The following METTL8 variants were observed in gnomAD, a reference collection of about 807,000 sequenced individuals.
METTL8 encodes tRNA N(3)-cytidine methyltransferase METTL8, mitochondrial.
In METTL8, 32 loss-of-function variants were observed where a neutral mutation model predicts 48.7. The ratio of observed to expected loss-of-function variants is 0.66; its 90% CI spans 0.50 to 0.88. The LOEUF is 0.88. Ranked by LOEUF, METTL8 falls within the 40% of genes least tolerant of loss-of-function variation. METTL8 has a pLI of 0.00. For missense variants in METTL8, 464 were observed against 474.4 expected (o/e 0.98, Z 0.20); for synonymous variants, 136 against 157.1 (o/e 0.87, Z 1.01).
chr2:171,413,880 C>G (rs1691005022), intron 1 of METTL8, among the ~76,000 whole-genome samples: 1 of 152,004 alleles, frequency 6.6e-6, no homozygotes, highest in African/African-American at 2.4e-5. Context: ...TGAGGGGGCA[C>G]TGAACTGAGA....
chr2:171,414,413 G>A (rs1285891584), intron 1 of METTL8, among the ~76,000 whole-genome samples: 82 of 141,824 alleles, frequency 5.8e-4, no homozygotes, highest in African/African-American at 2.0e-3. Context: ...GCGAAACTCC[G>A]TCTCAAAAAA....
At chr2:171,380,742 TAA>T (rs546649655) in intron 2 of METTL8, among the ~76,000 whole-genome samples, 4 of 152,094 alleles carry the variant, frequency 2.6e-5, no homozygotes, top group Admixed American at 2.6e-4. Flanking sequence ...TTCAAAGAAA[TAA>T]GAGAGGACAT....
intron 1 of METTL8, among the ~76,000 whole-genome samples, chr2:171,425,803 C>A (rs139692071): frequency 2.8e-3 from 431 of 152,300 alleles, no homozygotes; most frequent in African/African-American, 9.4e-3. Flanking sequence ...CTAACGCATT[C>A]TTTAACGTGT....
In METTL8 at chr2:171,367,554, G is replaced by A. The variant is rs746329586; in HGVS notation, c.144-7041C>T. 3.4e-4 allele frequency among the ~76,000 whole-genome samples: 52 copies of A among 152,070 alleles called. 1 individual carries two copies. The highest frequency in any genetic ancestry group is 1.6e-3 in the Admixed American group (25 of 15,274). ...AGATCTTCAGGTTAAAGGAAAAGGG[G>A]ACCACACGGAGTCTCAGATCTACAG... is the stretch of plus-strand genomic sequence containing the variant. On this transcript the variant is annotated intron_variant, in intron 2 of 9. Coordinates refer to ENST00000375258, the MANE Select transcript of METTL8 (RefSeq NM_001321154.2).
intron 2 of METTL8, among the ~76,000 whole-genome samples, chr2:171,386,676 C>A (rs551262208): frequency 6.6e-6 from 1 of 151,826 alleles, no homozygotes; most frequent in East Asian, 1.9e-4. Context: ...GATACAGAAG[C>A]GGGGAAGGGA....
intron 9 of METTL8, among the ~76,000 whole-genome samples, chr2:171,325,047 G>A (rs1297964991): frequency 5.3e-5 from 8 of 151,122 alleles, no homozygotes; most frequent in South Asian, 2.1e-4. Context: ...GTTTGAACCG[G>A]CGAGGTGGAG....
At chr2:171,373,547 T>C (rs1426655377) in intron 2 of METTL8, among the ~76,000 whole-genome samples, 1 of 152,250 alleles carries the variant, frequency 6.6e-6, no homozygotes, top group African/African-American at 2.4e-5. Context: ...AGACATGAAG[T>C]CCTTGCCCAT....
At position 171,342,660 on chromosome 2, in the gene METTL8, G is replaced by T. The variant is rs141698789; in HGVS notation, c.236-3106C>A. On this transcript the variant is annotated intron_variant, in intron 3 of 9. Coordinates refer to ENST00000375258, the MANE Select transcript of METTL8 (RefSeq NM_001321154.2). ...TGTAACTCATTCCATGCAGGTAAAA[G>T]ATTTTCTGCCTAACAAAAAGCAGCC... Among the ~76,000 whole-genome samples the T allele has an allele frequency of 1.9e-3, 294 of 151,716 alleles. 7 individuals carry two copies. The East Asian group carries it at 0.029, about 15-fold the overall frequency.
At chr2:171,333,620 T>G (rs1225159087) in intron 5 of METTL8, among the ~76,000 whole-genome samples, 1 of 152,238 alleles carries the variant, frequency 6.6e-6, no homozygotes, top group Non-Finnish European at 1.5e-5. Context: ...AATAGCACTT[T>G]ACTTCAGCAT....
chr2:171,411,199 T>A (rs779837518), intron 1 of METTL8, among the ~76,000 whole-genome samples: 1 of 152,202 alleles, frequency 6.6e-6, no homozygotes, highest in Non-Finnish European at 1.5e-5. Flanking sequence ...GAAGATTCAA[T>A]ACTGTAAAAA....
intron 1 of METTL8, among the ~76,000 whole-genome samples, chr2:171,432,226 C>CA (rs5836336): frequency 0.17 from 23,937 of 142,378 alleles, 1,945 homozygotes; most frequent in Admixed American, 0.23. Flanking sequence ...AAAGCAACGT[C>CA]AAAAAAAAAA....
At chr2:171,341,906 C>T (rs987231397) in intron 3 of METTL8, among the ~76,000 whole-genome samples, 2 of 152,002 alleles carry the variant, frequency 1.3e-5, no homozygotes, top group Non-Finnish European at 2.9e-5. Context: ...AGGATAATCA[C>T]ATAATCAGTA....
chr2:171,423,728 A>C (rs1389332269), intron 1 of METTL8, among the ~76,000 whole-genome samples: 1 of 152,190 alleles, frequency 6.6e-6, no homozygotes, highest in African/African-American at 2.4e-5. Flanking sequence ...AGTGCTCAAG[A>C]GGAAGCAGAG....
intron 3 of METTL8, among the ~76,000 whole-genome samples, chr2:171,351,206 T>G (rs553463029): frequency 4.1e-4 from 63 of 152,334 alleles, no homozygotes; most frequent in African/African-American, 1.5e-3. Context: ...CCAGCACCAT[T>G]TATTAAATAG....
chr2:171,373,739 C>A (rs1009267523), intron 2 of METTL8, among the ~76,000 whole-genome samples: 1 of 152,254 alleles, frequency 6.6e-6, no homozygotes, highest in East Asian at 1.9e-4. Flanking sequence ...AATAGGGAAT[C>A]CTTTCCCCAT....
chr2:171,413,844 G>A (rs1337065733), intron 1 of METTL8, among the ~76,000 whole-genome samples: 1 of 152,168 alleles, frequency 6.6e-6, no homozygotes, highest in Non-Finnish European at 1.5e-5. Flanking sequence ...GATAAATGGT[G>A]TGCAGGAACA....
At position 171,321,000 on chromosome 2, in the gene METTL8, C is replaced by A. The variant is rs906776910; in HGVS notation, c.*3172G>T. 6.6e-6 allele frequency: 1 copy of A among 152,156 alleles called. No individual in the cohort carries two copies. The highest frequency in any genetic ancestry group is 6.5e-5 in the Admixed American group (1 of 15,278). The allele number at this position is 152,156 out of a possible 1,614,324, so 9.4% of individuals were successfully genotyped here. A position where few individuals can be genotyped will look rare whatever the true frequency, so the allele number is the denominator to read the frequency against. On this transcript the variant is annotated 3_prime_UTR_variant, in exon 10 of 10. Coordinates refer to ENST00000375258, the MANE Select transcript of METTL8 (RefSeq NM_001321154.2). ...CCCCCTTCCCATCTTTTCTACCTATCCCTCATCATTAATGTCCCACACCAC... is the reference window on the plus strand; with the variant it reads ...CCCCCTTCCCATCTTTTCTACCTATACCTCATCATTAATGTCCCACACCAC...
chr2:171,424,194 C>T (rs1301107836), intron 1 of METTL8, among the ~76,000 whole-genome samples: 1 of 152,186 alleles, frequency 6.6e-6, no homozygotes, highest in Non-Finnish European at 1.5e-5. Flanking sequence ...ATAGAAATGC[C>T]TGGATGTCCA....
intron 7 of METTL8, among the ~76,000 whole-genome samples, chr2:171,326,702 TTTAA>T (rs112228185): frequency 0.057 from 8,658 of 152,206 alleles, 417 homozygotes; most frequent in African/African-American, 0.13. Context: ...CTATGTCCTC[TTTAA>T]TTTTTATTTT....
Sources: gnomAD v4.1 joint callset for allele counts (sites outside exome capture counted in the v4.1 genomes callset) on GRCh38, gnomAD v4.1.1 for gene constraint, MANE v1.5 for transcripts, NCBI Gene and HGNC (gene_info 2026-07-23, HGNC 2026-07-21) for gene names.